Variants in KLHL29 observed in about 807,000 individuals in gnomAD.
KLHL29 encodes the protein kelch-like protein 29.
KLHL29 carries 21 observed loss-of-function variants against 80.4 expected under a neutral mutation model. The ratio of observed to expected loss-of-function variants is 0.26; its 90% CI spans 0.19 to 0.38. The LOEUF (loss-of-function observed/expected upper bound fraction) is 0.38, where lower values mean the gene tolerates loss of function less well. Ranked by LOEUF, KLHL29 falls within the 10% of genes least tolerant of loss-of-function variation. KLHL29 has a pLI of 1.00. For missense variants in KLHL29, 867 were observed against 1,223.9 expected (o/e 0.71, Z 4.35); for synonymous variants, 511 against 526.8 (o/e 0.97, Z 0.41).
At chr2:23,657,249 G>A (rs922098549) in intron 5 of KLHL29, among the ~76,000 whole-genome samples, 3 of 152,120 alleles carry the variant, frequency 2.0e-5, no homozygotes, top group East Asian at 3.9e-4. Flanking sequence ...CCCCCAACCC[G>A]GGCACATGCA....
intron 1 of KLHL29, among the ~76,000 whole-genome samples, chr2:23,396,249 G>A (rs1360972001): frequency 1.3e-5 from 2 of 152,184 alleles, no homozygotes; most frequent in Non-Finnish European, 2.9e-5. Context: ...CATCCCCTGC[G>A]TTTAGGTGCC....
intron 1 of KLHL29, among the ~76,000 whole-genome samples, chr2:23,393,874 T>G (rs761004443): frequency 7.2e-5 from 11 of 152,136 alleles, no homozygotes; most frequent in Non-Finnish European, 4.4e-5. Context: ...ACTGGCACGG[T>G]CACTCCTGTG....
intron 1 of KLHL29, among the ~76,000 whole-genome samples, chr2:23,439,617 A>G (rs1663452020): frequency 6.6e-6 from 1 of 152,192 alleles, no homozygotes; most frequent in Non-Finnish European, 1.5e-5. Flanking sequence ...GTAGTTGAGC[A>G]GTCTCGAGTG....
intron 1 of KLHL29, among the ~76,000 whole-genome samples, chr2:23,464,615 C>T (rs1384782308): frequency 6.6e-6 from 1 of 152,190 alleles, no homozygotes; most frequent in Non-Finnish European, 1.5e-5. Flanking sequence ...TTCTGCTTGA[C>T]AAGAGAGGCA....
Position 23,707,409 on chromosome 2 carries a change from TGA to T in KLHL29, c.*749_*750del, listed in dbSNP as rs559166380. The T allele has an allele frequency of 6.6e-5, 10 of 152,346 alleles. No homozygotes were observed. The highest frequency in any genetic ancestry group is 3.3e-4 in the Admixed American group (5 of 15,310). The allele number at this position is 152,346 out of a possible 1,614,324, so 9.4% of individuals were successfully genotyped here. On this transcript the variant is annotated 3_prime_UTR_variant, in exon 14 of 14. Coordinates refer to ENST00000486442, the MANE Select transcript of KLHL29 (RefSeq NM_052920.2). ...TAAACAAAAGGCTATTTTTAAGTAC[TGA>T]GAGGAGGAGCAGGCCACAAGAGGGA... is the stretch of plus-strand genomic sequence containing the variant.
intron 3 of KLHL29, among the ~76,000 whole-genome samples, chr2:23,584,396 G>A (rs1401400509): frequency 3.3e-5 from 5 of 152,256 alleles, no homozygotes; most frequent in Non-Finnish European, 4.4e-5. Flanking sequence ...GCCCTCTGGG[G>A]ATTAGAATGG....
chr2:23,567,995 A>T (rs1018582805), intron 3 of KLHL29, among the ~76,000 whole-genome samples: 5 of 152,182 alleles, frequency 3.3e-5, no homozygotes, highest in African/African-American at 1.2e-4. Context: ...TTACAGTTTG[A>T]TTGTGTATTC....
At chr2:23,441,360 A>T (rs1435682799) in intron 1 of KLHL29, among the ~76,000 whole-genome samples, 2 of 151,202 alleles carry the variant, frequency 1.3e-5, no homozygotes, top group Non-Finnish European at 3.0e-5. Flanking sequence ...GGATAGCATT[A>T]GGAGATATAC....
chr2:23,528,493 T>C (rs781138102), intron 2 of KLHL29, among the ~76,000 whole-genome samples: 38 of 152,116 alleles, frequency 2.5e-4, no homozygotes, highest in Admixed American at 2.0e-4. Flanking sequence ...GCAGCCCTTA[T>C]AAGGTGGGCT....
intron 3 of KLHL29, among the ~76,000 whole-genome samples, chr2:23,635,191 G>A (rs1011513244): frequency 2.6e-5 from 4 of 152,216 alleles, no homozygotes; most frequent in East Asian, 1.9e-4. Flanking sequence ...AAAGCCTCTC[G>A]GGGCTGTGTG....
intron 5 of KLHL29, among the ~76,000 whole-genome samples, chr2:23,673,887 G>A (rs867433324): frequency 5.0e-4 from 76 of 152,016 alleles, no homozygotes; most frequent in African/African-American, 1.7e-3. Flanking sequence ...AAACACACAC[G>A]TAGATACACA....
chr2:23,586,058 G>T (rs1668110444), intron 3 of KLHL29, among the ~76,000 whole-genome samples: 1 of 152,128 alleles, frequency 6.6e-6, no homozygotes, highest in Non-Finnish European at 1.5e-5. Flanking sequence ...AGGCCTCTGG[G>T]GAGGCTTAAC....
At chr2:23,388,819 A>G (rs1052149711) in intron 1 of KLHL29, among the ~76,000 whole-genome samples, 1 of 151,202 alleles carries the variant, frequency 6.6e-6, no homozygotes, top group Admixed American at 6.6e-5. Flanking sequence ...TTGGCATCTC[A>G]TTTGATATGT....
chr2:23,635,960 T>C (rs1669596623), intron 3 of KLHL29, among the ~76,000 whole-genome samples: 1 of 152,226 alleles, frequency 6.6e-6, no homozygotes, highest in Admixed American at 6.5e-5. Flanking sequence ...ATTCTTGTGT[T>C]GGCAGCCCTC....
chr2:23,565,815 T>C (rs1037383753), intron 3 of KLHL29, among the ~76,000 whole-genome samples: 2 of 152,210 alleles, frequency 1.3e-5, no homozygotes, highest in African/African-American at 4.8e-5. Flanking sequence ...AGAGCCACCC[T>C]CGGAAACTCA....
intron 1 of KLHL29, among the ~76,000 whole-genome samples, chr2:23,450,925 A>G (rs1663858814): frequency 6.6e-6 from 1 of 152,154 alleles, no homozygotes. Flanking sequence ...AATCACTGGC[A>G]ACCACTAATC....
chr2:23,701,896 G>A (rs961306015), intron 11 of KLHL29, among the ~76,000 whole-genome samples: 2 of 149,802 alleles, frequency 1.3e-5, no homozygotes, highest in Non-Finnish European at 3.0e-5. Flanking sequence ...TGCCTCCCAG[G>A]TTCAAGCAGT....
chr2:23,511,687 T>C (rs1665776187), intron 2 of KLHL29, among the ~76,000 whole-genome samples: 1 of 152,276 alleles, frequency 6.6e-6, no homozygotes, highest in Admixed American at 6.5e-5. Context: ...CTGAAATTCC[T>C]GTTTGCTGTC....
At position 23,562,164 on chromosome 2, in the gene KLHL29, T is replaced by G; in HGVS notation, c.-33T>G. 1 of 1,549,212 alleles carries G rather than the reference T, an allele frequency of 6.5e-7. No homozygotes were observed. Among genetic ancestry groups the G allele is most frequent in the East Asian group, 2.4e-5 (1 of 40,912 alleles). On this transcript the variant is annotated 5_prime_UTR_variant, in exon 3 of 14. Transcript: ENST00000486442. This position sits in a 1 kb window ranked among gnomAD's most constrained non-coding sequence, Gnocchi z 4.5. ...CCTGTCACCACAGGTCCGGGCTCTG[T>G]TTCCCTGTGAGAAGCCGCCTCGGCC...
Sources: gnomAD v4.1 joint callset for allele counts (sites outside exome capture counted in the v4.1 genomes callset) on GRCh38, gnomAD v4.1.1 for gene constraint, Gnocchi (gnomAD v3.1) non-coding constraint, MANE v1.5 for transcripts, NCBI Gene and HGNC (gene_info 2026-07-23, HGNC 2026-07-21) for gene names.